Variants in SP3 observed in about 807,000 individuals in gnomAD.
SP3 encodes transcription factor Sp3.
Under a neutral mutation model 70.3 loss-of-function variants are expected in SP3, and 10 were observed. The observed-to-expected ratio is 0.14, with a 90% confidence interval of 0.09 to 0.24. SP3 has a LOEUF of 0.24. Ranked by LOEUF, SP3 falls within the 10% of genes least tolerant of loss-of-function variation. SP3 has a pLI of 1.00. For missense variants in SP3, 825 were observed against 914.6 expected, an observed-to-expected ratio of 0.90 and a Z score of 1.26; for synonymous variants, 402 against 333.5, an observed-to-expected ratio of 1.21 and a Z score of -2.24.
In SP3 at chr2:173,909,390, A is replaced by G. The variant is rs1226641276; in HGVS notation, c.*551T>C. On this transcript the variant is annotated 3_prime_UTR_variant, in exon 7 of 7. Coordinates refer to ENST00000310015, the MANE Select transcript of SP3 (RefSeq NM_003111.5). ...CAAAATCTTACAAGAGTAATGCTTA[A>G]AATATTGTACATAGTTAACCTAATT... The G allele has an allele frequency of 1.3e-5, 2 of 152,642 alleles. No individual in the cohort carries two copies. The highest frequency in any genetic ancestry group is 4.8e-5 in the African/African-American group (2 of 41,464). The allele number at this position is 152,642 out of a possible 1,614,324, so 9.5% of individuals were successfully genotyped here.
chr2:173,939,643 T>C (rs967886079), intron 4 of SP3, among the ~76,000 whole-genome samples: 1 of 151,438 alleles, frequency 6.6e-6, no homozygotes, highest in Non-Finnish European at 1.5e-5. Flanking sequence ...CATGGGCCTG[T>C]AGTCCCAGCT....
At chr2:173,949,115 T>C (rs1340233398) in intron 4 of SP3, among the ~76,000 whole-genome samples, 3 of 152,182 alleles carry the variant, frequency 2.0e-5, no homozygotes, top group African/African-American at 7.2e-5. Flanking sequence ...ATTTTGTCTA[T>C]TCTTTTTGTA....
intron 4 of SP3, among the ~76,000 whole-genome samples, chr2:173,948,185 A>C (rs1045610725): frequency 1.3e-5 from 2 of 152,170 alleles, no homozygotes; most frequent in African/African-American, 2.4e-5. Flanking sequence ...TCTTGACCTA[A>C]ATACTTAGCA....
intron 5 of SP3, chr2:173,913,850 T>C (rs1463844612): frequency 6.6e-6 from 1 of 152,224 alleles, no homozygotes; most frequent in African/African-American, 2.4e-5. Context: ...AGCAATGGTC[T>C]GAACTCCCTT....
intron 4 of SP3, among the ~76,000 whole-genome samples, chr2:173,923,034 C>T (rs905709668): frequency 3.3e-5 from 5 of 152,090 alleles, no homozygotes; most frequent in Admixed American, 6.6e-5. Flanking sequence ...AATGAATGTG[C>T]TGACTTAAAT....
At chr2:173,926,862 T>C (rs1452761303) in intron 4 of SP3, among the ~76,000 whole-genome samples, 2 of 152,174 alleles carry the variant, frequency 1.3e-5, no homozygotes, top group Admixed American at 6.6e-5. Flanking sequence ...TTAGATAGTA[T>C]TGTATTAGTC....
intron 4 of SP3, among the ~76,000 whole-genome samples, chr2:173,943,965 C>T (rs1340614800): frequency 6.6e-6 from 1 of 152,160 alleles, no homozygotes; most frequent in South Asian, 2.1e-4. Flanking sequence ...CTACTGAGTA[C>T]TATAGGCAAC....
At chr2:173,947,472 C>T (rs1690579422) in intron 4 of SP3, among the ~76,000 whole-genome samples, 1 of 152,024 alleles carries the variant, frequency 6.6e-6, no homozygotes, top group South Asian at 2.1e-4. Context: ...CACTGACATG[C>T]CTTGAATAGC....
In SP3 at chr2:173,906,934, G is replaced by A. The variant is rs1202730162; in HGVS notation, c.*3007C>T. 2.0e-5 allele frequency: 3 copies of A among 152,164 alleles called. No individual in the cohort carries two copies. The highest frequency in any genetic ancestry group is 7.2e-5 in the African/African-American group (3 of 41,446). The allele number at this position is 152,164 out of a possible 1,614,324, so 9.4% of individuals were successfully genotyped here. A position where few individuals can be genotyped will look rare whatever the true frequency, so the allele number is the denominator to read the frequency against. ...ATACTGTTTAAGAACTATTTTCTATGAAATAGGCTTGACATGCTTTCAGCT... is the reference window on the plus strand; with the variant it reads ...ATACTGTTTAAGAACTATTTTCTATAAAATAGGCTTGACATGCTTTCAGCT... On this transcript the variant is annotated 3_prime_UTR_variant, in exon 7 of 7. Transcript: ENST00000310015.
chr2:173,965,416 C>T (rs901168937), upstream of SP3: 3 of 544,732 alleles, frequency 5.5e-6, no homozygotes, highest in South Asian at 4.5e-5. Flanking sequence ...CTCTCATTCG[C>T]CGCCGTGCTC....
chr2:173,963,994 G>A (rs1430156898), intron 2 of SP3, 111 bp from the exon 3 acceptor site: 12 of 648,104 alleles, frequency 1.9e-5, no homozygotes, highest in Admixed American at 1.7e-4. Flanking sequence ...ACTGCGCCCG[G>A]GCAAGCGCCA....
In SP3 at chr2:173,925,450, A is replaced by G. The variant is rs967027364; in HGVS notation, c.1640-6665T>C. On this transcript the variant is annotated intron_variant, in intron 4 of 6. Coordinates refer to ENST00000310015, the MANE Select transcript of SP3 (RefSeq NM_003111.5). The stretch of plus-strand genomic sequence containing the variant: ...AAAGGGAAGTTGGTATTTAAAAGGT[A>G]GAGTTTCAATTTTGCAAGATGAAAA... Among the ~76,000 whole-genome samples, 6 of 152,332 alleles carry G rather than the reference A, an allele frequency of 3.9e-5. No homozygotes were observed. In the South Asian group the frequency reaches 1.0e-3, roughly 26 times the overall value.
At position 173,905,503 on chromosome 2, in the gene SP3, TGAA is replaced by T. The variant is rs1169870475; in HGVS notation, c.*4435_*4437del. 1.3e-5 allele frequency among the ~76,000 whole-genome samples: 2 copies of T among 152,172 alleles called. No homozygotes were observed. The highest frequency in any genetic ancestry group is 2.9e-5 in the Non-Finnish European group (2 of 68,032). ...AAAGGTGAAAAATGGGGAAAAGGAC[TGAA>T]GGAGATAGGCCTTCTCAGGATATCA... is the stretch of plus-strand genomic sequence containing the variant. On this transcript the variant is annotated 3_prime_UTR_variant, in exon 7 of 7. Transcript: ENST00000310015.
chr2:173,963,908 G>C, intron 2 of SP3, 25 bp from the exon 3 acceptor site: 1 of 1,447,832 alleles, frequency 6.9e-7, no homozygotes, highest in South Asian at 1.4e-5. Flanking sequence ...CGGGTTCAGA[G>C]AGGGAGACAG....
chr2:173,927,163 G>A (rs894642421), intron 4 of SP3, among the ~76,000 whole-genome samples: 4 of 152,016 alleles, frequency 2.6e-5, no homozygotes, highest in Non-Finnish European at 5.9e-5. Context: ...GGTAAGCCAT[G>A]GGAAACCACC....
rs1438516866 is a variant in SP3, at chr2:173,904,357, C to A, written c.*5584G>T. 6.6e-6 allele frequency among the ~76,000 whole-genome samples: 1 copy of A among 152,106 alleles called. No homozygotes were observed. The highest frequency in any genetic ancestry group is 6.6e-5 in the Admixed American group (1 of 15,262). ...GTGTTTTACGAGAGAATATACTGTA[C>A]CTCAGTTGTCTTAGTTGGCATTATT... On this transcript the variant is annotated 3_prime_UTR_variant, in exon 7 of 7. Coordinates refer to ENST00000310015, the MANE Select transcript of SP3 (RefSeq NM_003111.5).
chr2:173,916,975 A>C (rs1689632357), intron 5 of SP3: 1 of 152,088 alleles, frequency 6.6e-6, no homozygotes, highest in Admixed American at 6.6e-5. Flanking sequence ...CAGACATATA[A>C]AACAGTGAGA....
chr2:173,929,918 T>C (rs2105470998), intron 4 of SP3, among the ~76,000 whole-genome samples: 1 of 152,340 alleles, frequency 6.6e-6, no homozygotes, highest in South Asian at 2.1e-4. Flanking sequence ...ATCTATTTGA[T>C]TCTATCCAAT....
At chr2:173,956,989 G>A (rs1438972567) in intron 3 of SP3, among the ~76,000 whole-genome samples, 1 of 151,968 alleles carries the variant, frequency 6.6e-6, no homozygotes, top group Admixed American at 6.6e-5. Context: ...ATAATCTAGG[G>A]TTTCATTATA....
Sources: gnomAD v4.1 joint callset for allele counts (sites outside exome capture counted in the v4.1 genomes callset) on GRCh38, gnomAD v4.1.1 for gene constraint, MANE v1.5 for transcripts, NCBI Gene and HGNC (gene_info 2026-07-23, HGNC 2026-07-21) for gene names.